CA10: variants seen among roughly 807,000 people sequenced by gnomAD.
CA10 encodes carbonic anhydrase 10 (inactive), also known as carbonic anhydrase-related protein 10.
Under a neutral mutation model 44.2 loss-of-function variants are expected in CA10, and 14 were observed. That is an observed-to-expected ratio of 0.32 (90% confidence interval 0.21 to 0.50). The LOEUF (loss-of-function observed/expected upper bound fraction) is 0.50. CA10 is among the 20% of genes least tolerant of loss of function. CA10 has a pLI of 0.99. For synonymous variants in CA10, 159 were observed against 141.6 expected (o/e 1.12, Z -0.87); for missense variants, 350 against 409.7 (o/e 0.85, Z 1.26).
At chr17:52,086,976 A>T (rs1183845864) in intron 1 of CA10, among the ~76,000 whole-genome samples, 1 of 152,212 alleles carries the variant, frequency 6.6e-6, no homozygotes, top group African/African-American at 2.4e-5. Context: ...TGCCTAAATG[A>T]AATCAAGAAT....
Position 52,031,094 on chromosome 17 carries a change from A to G in CA10, c.136+41225T>C, listed in dbSNP as rs140219137. ...AGAACCCTAATAGAGGTATACATCA[A>G]GGCATAAGTCAAGAAAAATAAGATA... On this transcript the variant is annotated intron_variant, in intron 2 of 8. Coordinates refer to ENST00000451037, the MANE Select transcript of CA10 (RefSeq NM_020178.5). 4.5e-3 allele frequency among the ~76,000 whole-genome samples: 682 copies of G among 152,194 alleles called. 2 individuals are homozygous for G. The highest frequency in any genetic ancestry group is 7.0e-3 in the Non-Finnish European group (479 of 68,006).
intron 3 of CA10, among the ~76,000 whole-genome samples, chr17:51,842,439 T>G (rs184191037): frequency 6.6e-6 from 1 of 152,260 alleles, no homozygotes; most frequent in Admixed American, 6.5e-5. Flanking sequence ...ATATATCCTG[T>G]TTATCCATTA....
chr17:51,863,180 A>T (rs868521769), intron 3 of CA10, among the ~76,000 whole-genome samples: 2 of 152,372 alleles, frequency 1.3e-5, no homozygotes, highest in African/African-American at 4.8e-5. Flanking sequence ...CACATAAAAA[A>T]TAGTCCAAGT....
chr17:52,012,919 T>C (rs1217559135), intron 2 of CA10, among the ~76,000 whole-genome samples: 1 of 151,984 alleles, frequency 6.6e-6, no homozygotes, highest in East Asian at 1.9e-4. Flanking sequence ...CTGCTGTAGA[T>C]AGGGAGTTAG....
intron 1 of CA10, among the ~76,000 whole-genome samples, chr17:52,137,025 C>A (rs1598234371): frequency 6.6e-6 from 1 of 151,910 alleles, no homozygotes; most frequent in South Asian, 2.1e-4. Flanking sequence ...TATATAAATT[C>A]TTCTTCTGTA....
intron 4 of CA10, among the ~76,000 whole-genome samples, chr17:51,689,207 C>G (rs1433775751): frequency 1.3e-5 from 2 of 152,130 alleles, no homozygotes; most frequent in African/African-American, 4.8e-5. Context: ...AAAATAACAG[C>G]AATTATTATC....
At chr17:51,871,509 G>A (rs1230042364) in intron 3 of CA10, among the ~76,000 whole-genome samples, 1 of 150,078 alleles carries the variant, frequency 6.7e-6, no homozygotes, top group African/African-American at 2.5e-5. Context: ...CAAAGTGTTG[G>A]GATTACAGAT....
chr17:51,781,878 A>G (rs543451237), intron 3 of CA10, among the ~76,000 whole-genome samples: 2 of 152,344 alleles, frequency 1.3e-5, no homozygotes, highest in South Asian at 4.1e-4. Context: ...TAGGTATTAG[A>G]TAACATTGAG....
intron 3 of CA10, among the ~76,000 whole-genome samples, chr17:51,757,202 G>A (rs1211941773): frequency 4.6e-5 from 7 of 152,152 alleles, no homozygotes; most frequent in African/African-American, 1.7e-4. Context: ...GAGATCAAAG[G>A]GCTGATTTGT....
At chr17:52,093,156 A>C (rs1161199305) in intron 1 of CA10, among the ~76,000 whole-genome samples, 1 of 151,874 alleles carries the variant, frequency 6.6e-6, no homozygotes, top group Non-Finnish European at 1.5e-5. Context: ...ATATGTACAC[A>C]TACATATATC....
At chr17:51,646,361 G>A (rs1029961802) in intron 6 of CA10, among the ~76,000 whole-genome samples, 34 of 152,182 alleles carry the variant, frequency 2.2e-4, no homozygotes, top group Admixed American at 1.4e-3. Context: ...GGCTCAGCAC[G>A]TTGCAGAGTG....
chr17:51,735,463 G>C (rs983186681), intron 4 of CA10, among the ~76,000 whole-genome samples: 2 of 152,040 alleles, frequency 1.3e-5, no homozygotes, highest in African/African-American at 4.8e-5. Flanking sequence ...GGGATCATCT[G>C]TATCCCAAAC....
chr17:51,657,474 G>C (rs753156230), intron 4 of CA10, among the ~76,000 whole-genome samples: 1 of 152,148 alleles, frequency 6.6e-6, no homozygotes, highest in African/African-American at 2.4e-5. Context: ...ATGGGTCCAG[G>C]TGGGTCTGGA....
At chr17:51,849,224 T>A (rs1978663907) in intron 3 of CA10, among the ~76,000 whole-genome samples, 1 of 30,898 alleles carries the variant, frequency 3.2e-5, no homozygotes, top group Non-Finnish European at 6.3e-5. Context: ...TATATACATA[T>A]ATGTGTGTGT....
At chr17:51,882,376 C>T (rs1980414730) in intron 3 of CA10, among the ~76,000 whole-genome samples, 1 of 152,108 alleles carries the variant, frequency 6.6e-6, no homozygotes, top group Non-Finnish European at 1.5e-5. Flanking sequence ...TCCAGGATCT[C>T]CCACTTGAGA....
At chr17:51,886,253 G>C in intron 3 of CA10, among the ~76,000 whole-genome samples, 2 of 152,264 alleles carry the variant, frequency 1.3e-5, no homozygotes, top group East Asian at 3.9e-4. Flanking sequence ...AGATGAGAAG[G>C]AGTGGCTATA....
upstream of CA10, among the ~76,000 whole-genome samples, chr17:52,158,905 C>A (rs942876815): frequency 1.3e-5 from 2 of 151,976 alleles, no homozygotes; most frequent in African/African-American, 4.8e-5. Context: ...GAGGCCCGGG[C>A]GGGGAGGTGA....
At chr17:52,050,938 G>C (rs1310994112) in intron 2 of CA10, among the ~76,000 whole-genome samples, 1 of 151,392 alleles carries the variant, frequency 6.6e-6, no homozygotes, top group African/African-American at 2.4e-5. Flanking sequence ...CCCAGACCCT[G>C]TTTAGTGCCT....
chr17:52,010,138 T>G (rs1208441614), intron 2 of CA10, among the ~76,000 whole-genome samples: 1 of 151,928 alleles, frequency 6.6e-6, no homozygotes, highest in African/African-American at 2.4e-5. Context: ...GGGAACACTT[T>G]TACACCGTTG....
Sources: allele counts gnomAD v4.1 joint callset (sites outside exome capture counted in the v4.1 genomes callset), GRCh38; gene constraint gnomAD v4.1.1; transcripts MANE v1.5; gene names NCBI Gene and HGNC (gene_info 2026-07-23, HGNC 2026-07-21).